Variants in CALHM4 observed in about 807,000 individuals in gnomAD.
CALHM4 encodes calcium homeostasis modulator protein 4.
In CALHM4, 16 loss-of-function variants were observed where a neutral mutation model predicts 13.3. That is an observed-to-expected ratio of 1.20 (90% CI 0.81 to 1.82). CALHM4 has a LOEUF of 1.82. Ranked by LOEUF, CALHM4 falls within the 40% of genes most tolerant of loss-of-function variation. CALHM4 has a pLI of 0.00. For missense variants in CALHM4, 344 were observed against 374.9 expected (o/e 0.92, Z 0.68); for synonymous variants, 127 against 137.1 (o/e 0.93, Z 0.52).
At chr6:116,543,788 C>G in exon 2 of CALHM4, 3 of 1,527,970 alleles carry the variant, frequency 2.0e-6, no homozygotes, top group Non-Finnish European at 2.6e-6. Flanking sequence ...TTGGATAAGA[C>G]TTCTCAGGCG....
chr6:116,545,408 T>C (rs1773719732), intron 2 of CALHM4: 2 of 1,406,262 alleles, frequency 1.4e-6, no homozygotes, highest in African/African-American at 1.5e-5. Context: ...TTAAAATCAA[T>C]CAGAAATCAC....
intron 1 of CALHM4, among the ~76,000 whole-genome samples, chr6:116,536,218 T>C (rs1025934271): frequency 6.6e-5 from 10 of 152,206 alleles, no homozygotes; most frequent in African/African-American, 2.2e-4. Context: ...GGAATGAGAC[T>C]TTATAATTAA....
exon 1 of CALHM4, chr6:116,529,171 AC>A (rs1772545402): frequency 6.6e-6 from 1 of 152,122 alleles, no homozygotes; most frequent in African/African-American, 2.4e-5. Flanking sequence ...CTTTGCTGCA[AC>A]CCTTCAGCTC....
Position 116,545,091 on chromosome 6 carries a change from C to CTA in CALHM4, c.-1+1228_-1+1229dup, listed in dbSNP as rs1320498201. On this transcript the variant is annotated intron_variant, in intron 2 of 2. Coordinates refer to the CALHM4 transcript ENST00000368597. ...TCGATTCAGTTTTACACATAATCAA[C>CTA]TATATATATACACACATATATATAT... Among the ~76,000 whole-genome samples the CTA allele has an allele frequency of 4.0e-5, 6 of 150,788 alleles. No individual in the cohort carries two copies. The South Asian group carries it at 6.3e-4, about 16-fold the overall frequency.
intron 1 of CALHM4, among the ~76,000 whole-genome samples, chr6:116,542,741 A>G (rs1056956679): frequency 6.6e-6 from 1 of 152,122 alleles, no homozygotes; most frequent in Non-Finnish European, 1.5e-5. Context: ...TCTACCTAAT[A>G]TGTTTTTTAA....
intron 1 of CALHM4, among the ~76,000 whole-genome samples, chr6:116,542,549 C>A (rs562056475): frequency 6.6e-6 from 1 of 152,134 alleles, no homozygotes; most frequent in South Asian, 2.1e-4. Context: ...CTGTTAGAGT[C>A]CTCTTCAGAG....
upstream of CALHM4, among the ~76,000 whole-genome samples, chr6:116,549,368 C>CATGTCACTATAT (rs1773947022): frequency 6.6e-6 from 1 of 152,142 alleles, no homozygotes; most frequent in African/African-American, 2.4e-5. Context: ...CTTTACTGAA[C>CATGTCACTATAT]ATGTCACTAT....
At chr6:116,551,566 T>C (rs1251825676), upstream of CALHM4, among the ~76,000 whole-genome samples, 1 of 152,160 alleles carries the variant, frequency 6.6e-6, no homozygotes, top group Non-Finnish European at 1.5e-5. Context: ...TTTTGCTGAG[T>C]AGTATTCCAT....
In CALHM4 at chr6:116,554,286, T is replaced by C; in HGVS notation, c.493T>C (p.Ser165Pro). Reference protein sequence around the residue: ...EILAGFPCCRSAPSDVILVRD... With the variant: ...EILAGFPCCRPAPSDVILVRD... ...CCTGGCTGGGTTTCCATGTTGCAGA[T>C]CAGCTCCTTCTGACGTGATCCTAGT... Residue 165 changes from serine to proline, a missense_variant, in exon 1 of 2, where the codon TCA (serine) becomes CCA (proline). Ser to Pro is a moderately conservative substitution (Grantham distance 74, BLOSUM62 -1). Transcript: ENST00000368596. The C allele has an allele frequency of 6.4e-7, 1 of 1,550,454 alleles. No individual in the cohort carries two copies. Among genetic ancestry groups the C allele is most frequent in the Non-Finnish European group, 8.7e-7 (1 of 1,147,004 alleles).
rs114258009 is a variant in CALHM4, at chr6:116,547,298, G to T, written c.-1+3426G>T. ...TACAAAGGGCCTGTGTGCTTGCTGC[G>T]AGGTGATGGCGGTACTGGAATCAAT... On this transcript the variant is annotated intron_variant, in intron 2 of 2. Transcript: ENST00000368597. Among the ~76,000 whole-genome samples the T allele has an allele frequency of 4.2e-3, 633 of 152,288 alleles. 5 individuals are homozygous for T. The highest frequency in any genetic ancestry group is 0.014 in the African/African-American group (593 of 41,554).
upstream of CALHM4, among the ~76,000 whole-genome samples, chr6:116,549,090 C>T (rs1376862739): frequency 6.6e-6 from 1 of 151,850 alleles, no homozygotes; most frequent in Non-Finnish European, 1.5e-5. Flanking sequence ...TTCGAGACCA[C>T]CCTGGCCAAC....
upstream of CALHM4, among the ~76,000 whole-genome samples, chr6:116,553,193 G>C (rs1393995860): frequency 3.9e-5 from 6 of 152,348 alleles, no homozygotes; most frequent in South Asian, 8.3e-4. Flanking sequence ...AATGCAAGCA[G>C]ATTTAAAATT....
chr6:116,545,353 T>G, intron 2 of CALHM4: 1 of 743,786 alleles, frequency 1.3e-6, no homozygotes, highest in South Asian at 2.0e-5. Context: ...TTCACTTCGC[T>G]GAACACTGTC....
At chr6:116,550,781 A>G (rs963231311), upstream of CALHM4, among the ~76,000 whole-genome samples, 1 of 152,174 alleles carries the variant, frequency 6.6e-6, no homozygotes, top group Non-Finnish European at 1.5e-5. Flanking sequence ...ATAAATCAAT[A>G]TAATTAACAT....
chr6:116,543,466 G>T (rs1773585877), intron 1 of CALHM4: 2 of 1,323,402 alleles, frequency 1.5e-6, no homozygotes, highest in Non-Finnish European at 2.1e-6. Flanking sequence ...TATTTCTTTT[G>T]TTTATAAAAT....
upstream of CALHM4, among the ~76,000 whole-genome samples, chr6:116,551,985 T>G (rs188872634): frequency 4.2e-3 from 633 of 152,348 alleles, 5 homozygotes; most frequent in African/African-American, 0.014. Context: ...ATTTCTGAAT[T>G]GAATGGACTT....
At chr6:116,534,504 CACTCA>C (rs764324756) in intron 1 of CALHM4, among the ~76,000 whole-genome samples, 1 of 152,132 alleles carries the variant, frequency 6.6e-6, no homozygotes, top group African/African-American at 2.4e-5. Context: ...TTTCTGTGTA[CACTCA>C]ACTCTAATCT....
intron 1 of CALHM4, among the ~76,000 whole-genome samples, chr6:116,529,618 G>A (rs1245043444): frequency 6.6e-6 from 1 of 152,218 alleles, no homozygotes; most frequent in Non-Finnish European, 1.5e-5. Flanking sequence ...TCCATGTCCT[G>A]CAAGGCAGAA....
chr6:116,550,954 A>G (rs1403889795), upstream of CALHM4, among the ~76,000 whole-genome samples: 2 of 152,118 alleles, frequency 1.3e-5, no homozygotes, highest in Admixed American at 6.5e-5. Context: ...ACACCAAGCC[A>G]ATGTTTACCC....
Sources: gnomAD v4.1 joint callset for allele counts (sites outside exome capture counted in the v4.1 genomes callset) on GRCh38, gnomAD v4.1.1 for gene constraint, MANE v1.5 for transcripts, NCBI Gene and HGNC (gene_info 2026-07-23, HGNC 2026-07-21) for gene names.